The following COL12A1 variants were observed in gnomAD, a reference collection of about 807,000 sequenced individuals.
COL12A1 encodes collagen type XII alpha 1 chain.
A neutral mutation model predicts 349.7 loss-of-function variants in COL12A1; 114 were observed. The observed-to-expected ratio is 0.33, with a 90% confidence interval of 0.28 to 0.38. COL12A1 has a LOEUF of 0.38. Ranked by LOEUF, COL12A1 falls within the 10% of genes least tolerant of loss-of-function variation. The probability of loss-of-function intolerance (pLI) is 1.00; values close to 1 mark genes in which losing one functional copy is unlikely to be tolerated. For synonymous variants in COL12A1, 1,369 were observed against 1,329.0 expected, an observed-to-expected ratio of 1.03 and a Z score of -0.66; for missense variants, 3,284 against 3,756.9, an observed-to-expected ratio of 0.87 and a Z score of 3.29.
At chr6:75,203,221 A>G (rs928783259) in intron 1 of COL12A1, among the ~76,000 whole-genome samples, 41 of 152,074 alleles carry the variant, frequency 2.7e-4, no homozygotes, top group African/African-American at 9.9e-4. Context: ...TTCCTAGCTG[A>G]TGAACTCTTT....
intron 14 of COL12A1, among the ~76,000 whole-genome samples, chr6:75,159,027 A>G (rs1277214189): frequency 6.6e-6 from 1 of 152,046 alleles, no homozygotes; most frequent in Admixed American, 6.6e-5. Context: ...AAGTGTAGTG[A>G]ACCCCAAACA....
At chr6:75,136,833 G>A (rs1766631457) in intron 31 of COL12A1, among the ~76,000 whole-genome samples, 1 of 152,106 alleles carries the variant, frequency 6.6e-6, no homozygotes, top group Non-Finnish European at 1.5e-5. Context: ...ATGGACAAAG[G>A]TTCTATTAAA....
At chr6:75,171,814 T>C (rs902748036) in intron 13 of COL12A1, among the ~76,000 whole-genome samples, 10 of 152,262 alleles carry the variant, frequency 6.6e-5, no homozygotes, top group African/African-American at 9.6e-5. Flanking sequence ...AAAAATCTTC[T>C]ATTATTTTCA....
In COL12A1 at chr6:75,090,005, GA is replaced by G; in HGVS notation, c.8941+104del. On this transcript the variant is annotated intron_variant, in intron 63 of 65. Transcript: ENST00000322507. This position sits in a 1 kb window ranked among gnomAD's most constrained non-coding sequence, Gnocchi z 4.1. ...CTGAGGCTGTCCAAACAAGACCAGG[GA>G]AAGCAGTTTGCCTAGGTCACCTTTC... The G allele has an allele frequency of 8.1e-7, 1 of 1,236,512 alleles. No homozygotes were observed. The highest frequency in any genetic ancestry group is 1.2e-6 in the Non-Finnish European group (1 of 865,138). The allele number at this position is 1,236,512 out of a possible 1,614,324, so 76.6% of individuals were successfully genotyped here. A position where few individuals can be genotyped will look rare whatever the true frequency, so the allele number is the denominator to read the frequency against.
At chr6:75,189,109 A>C in intron 7 of COL12A1, 108 bp downstream of exon 7, 1 of 1,214,676 alleles carries the variant, frequency 8.2e-7, no homozygotes. Context: ...AAATGCAGTA[A>C]ACACTTCTAA....
rs1282131807 is a variant in COL12A1, at chr6:75,181,103, T to C, written c.2000A>G (p.Lys667Arg). ...ENVFSYHITY[K>R]EAAGDDEVTV... ...GACCTCATCATCCCCAGCCGCTTCCTTGTAGGTGATGTGATATGAAAAAAC... is the reference window on the plus strand; with the variant it reads ...GACCTCATCATCCCCAGCCGCTTCCCTGTAGGTGATGTGATATGAAAAAAC... The change falls in exon 11 of 66, where the codon AAG becomes AGG. Residue 667 changes from lysine (K) to arginine (R), a missense_variant. By Grantham distance (26) the Lys-to-Arg change is conservative. Around this residue, in one of 2 missense-constraint regions of COL12A1, gnomAD observed 2,601 missense variants for 2,824.8 expected, o/e 0.92. Transcript: ENST00000322507. 1 of 1,614,040 alleles carries C rather than the reference T, an allele frequency of 6.2e-7. No homozygotes were observed. The highest frequency in any genetic ancestry group is 8.5e-7 in the Non-Finnish European group (1 of 1,180,000).
rs1055343495 is a variant in COL12A1 at position 75,086,420 on chromosome 6, G to T, written c.*127C>A. The T allele has an allele frequency of 1.3e-6, 1 of 759,084 alleles. No individual in the cohort carries two copies. Among genetic ancestry groups the T allele is most frequent in the South Asian group, 2.3e-5 (1 of 43,638 alleles). 47.0% of individuals were successfully genotyped at this position (759,084 alleles called of 1,614,324 possible). On this transcript the variant is annotated 3_prime_UTR_variant, in exon 66 of 66. Coordinates refer to ENST00000322507, the MANE Select transcript of COL12A1 (RefSeq NM_004370.6). ...CTCCTTTGTGATGTCGACCCGGTTCGTTAACCATTATCTGTGGTGAGATTT... is the reference window on the plus strand; with the variant it reads ...CTCCTTTGTGATGTCGACCCGGTTCTTTAACCATTATCTGTGGTGAGATTT...
At chr6:75,115,320 A>G (rs2149360661) in intron 49 of COL12A1, among the ~76,000 whole-genome samples, 1 of 152,256 alleles carries the variant, frequency 6.6e-6, no homozygotes, top group Non-Finnish European at 1.5e-5. Flanking sequence ...TACACAACAG[A>G]TTGCTAGAGC....
Position 75,130,883 on chromosome 6 carries a change from C to A in COL12A1, c.6036G>T (p.Glu2012Asp). The A allele has an allele frequency of 1.2e-6, 2 of 1,614,084 alleles. No homozygotes were observed. Among genetic ancestry groups the A allele is most frequent in the Non-Finnish European group, 1.7e-6 (2 of 1,179,990 alleles). ...VNLVALYSDGEGNPSPAQGRT... is the reference protein window; with the variant it reads ...VNLVALYSDGDGNPSPAQGRT... ...GGCCCTGGGCAGGGCTGGGATTTCC[C>A]TCTCCATCCGAGTACAGAGCCACAA... is the stretch of plus-strand genomic sequence containing the variant. Residue 2012 changes from glutamate (E) to aspartate (D), a missense_variant, in exon 36 of 66, where the codon GAG becomes GAT. By Grantham distance (45) the Glu-to-Asp change is conservative (BLOSUM62 2). Transcript: ENST00000322507.
chr6:75,156,276 C>A lies in COL12A1; in HGVS notation c.3231G>T (p.Arg1077Ser). 2 of 1,613,748 alleles carry A rather than the reference C, an allele frequency of 1.2e-6. No homozygotes were observed. Among genetic ancestry groups the A allele is most frequent in the Non-Finnish European group, 1.7e-6 (2 of 1,179,750 alleles). The change falls in exon 15 of 66, where the codon AGG (arginine) becomes AGT (serine). Residue 1077 changes from arginine (R) to serine (S), a missense_variant. Around this residue, in one of 2 missense-constraint regions of COL12A1, gnomAD observed 2,601 missense variants for 2,824.8 expected, o/e 0.92. Coordinates refer to ENST00000322507, the MANE Select transcript of COL12A1 (RefSeq NM_004370.6). ...PIYKMGEGKL[R>S]QGSGTTASRF... ...TCATACCTGTTGTTCCTGATCCTTG[C>A]CTAAGCTTTCCTTCTCCCATCTTGT...
At chr6:75,160,879 T>A (rs969090675) in intron 14 of COL12A1, among the ~76,000 whole-genome samples, 1 of 152,174 alleles carries the variant, frequency 6.6e-6, no homozygotes, top group African/African-American at 2.4e-5. Context: ...CACAAAAACA[T>A]CACCAAACTT....
chr6:75,135,557 A>G (rs1766565237), intron 31 of COL12A1, among the ~76,000 whole-genome samples: 1 of 152,224 alleles, frequency 6.6e-6, no homozygotes, highest in Non-Finnish European at 1.5e-5. Flanking sequence ...CAATTTATTA[A>G]CAGTCTACCG....
intron 64 of COL12A1, 53 bp downstream of exon 64, chr6:75,089,053 G>A: frequency 1.6e-6 from 2 of 1,234,724 alleles, no homozygotes; most frequent in South Asian, 1.2e-5. Context: ...TCGGGATGGT[G>A]TGCCCTCTCG....
rs775499126 is a variant in COL12A1 at position 75,181,102 on chromosome 6, C to T, written c.2001G>A (p.Lys667=). 18 of 1,613,616 alleles carry T rather than the reference C, an allele frequency of 1.1e-5. No individual in the cohort carries two copies. The highest frequency in any genetic ancestry group is 1.7e-5 in the Admixed American group (1 of 59,940). ...TGACCTCATCATCCCCAGCCGCTTC[C>T]TTGTAGGTGATGTGATATGAAAAAA... The part of the protein sequence containing the change: ...ENVFSYHITY[K]EAAGDDEVTV... Residue 667 remains lysine, a synonymous_variant, in exon 11 of 66, where the codon AAG becomes AAA. Coordinates refer to ENST00000322507, the MANE Select transcript of COL12A1 (RefSeq NM_004370.6).
At chr6:75,165,460 T>C (rs1262156679) in intron 14 of COL12A1, 47 bp downstream of exon 14, 2 of 1,590,834 alleles carry the variant, frequency 1.3e-6, no homozygotes, top group Middle Eastern at 1.7e-4. Context: ...CTGATAACTA[T>C]TGGGTAGCAC....
At position 75,183,366 on chromosome 6, in the gene COL12A1, A is replaced by G. The variant is rs748722008; in HGVS notation, c.1575T>C (p.Tyr525=). The G allele has an allele frequency of 6.8e-6, 11 of 1,614,092 alleles. No homozygotes were observed. The highest frequency in any genetic ancestry group is 7.6e-6 in the Non-Finnish European group (9 of 1,180,044). Residue 525 remains tyrosine, a synonymous_variant, in exon 10 of 66, where the codon TAT becomes TAC. Coordinates refer to ENST00000322507, the MANE Select transcript of COL12A1 (RefSeq NM_004370.6). ...GSTNTGKAMT[Y]VREKIFVPSK... is the part of the protein sequence containing the mutation. ...TAGGCACAAATATTTTCTCTCTGACATAAGTCATTGCTTTGCCAGTATTTG... is the reference window on the plus strand; with the variant it reads ...TAGGCACAAATATTTTCTCTCTGACGTAAGTCATTGCTTTGCCAGTATTTG...
chr6:75,092,810 A>G (rs1243771995), intron 60 of COL12A1, among the ~76,000 whole-genome samples: 2 of 151,126 alleles, frequency 1.3e-5, no homozygotes, highest in African/African-American at 2.5e-5. Context: ...GAGGAAAATA[A>G]TAATTCCTTA....
intron 34 of COL12A1, among the ~76,000 whole-genome samples, chr6:75,132,674 A>G (rs935234957): frequency 3.3e-5 from 5 of 152,252 alleles, no homozygotes; most frequent in African/African-American, 1.2e-4. Flanking sequence ...ACTCTAATTT[A>G]ACCAATAACA....
chr6:75,146,134 C>T lies in COL12A1; in HGVS notation c.4528G>A (p.Val1510Ile), dbSNP rs753396580. The change falls in exon 24 of 66, where the codon GTT (valine) becomes ATT (isoleucine). Residue 1510 changes from valine to isoleucine, a missense_variant. Transcript: ENST00000322507. Reference sequence around the variant, plus strand: ...GGTCTTGTTGGCTCTGTGTCCTTAACAGGTTTGTATGACAAGATGTAGCCA... The same window carrying T: ...GGTCTTGTTGGCTCTGTGTCCTTAATAGGTTTGTATGACAAGATGTAGCCA... ...ATGYILSYKP[V>I]KDTEPTRPKE... 3.7e-6 allele frequency: 6 copies of T among 1,611,226 alleles called. No individual in the cohort carries two copies. In the Middle Eastern group the frequency reaches 6.6e-4, roughly 178 times the overall value.
Sources: allele counts gnomAD v4.1 joint callset (sites outside exome capture counted in the v4.1 genomes callset), GRCh38; gene constraint gnomAD v4.1.1; regional missense constraint gnomAD v4.1.1; non-coding constraint Gnocchi (gnomAD v3.1); transcripts MANE v1.5; gene names NCBI Gene and HGNC (gene_info 2026-07-23, HGNC 2026-07-21).